The following TMPRSS12 variants were observed in gnomAD, a reference collection of about 807,000 sequenced individuals.
TMPRSS12 encodes the protein transmembrane protease serine 12.
Under a neutral mutation model 26.0 loss-of-function variants are expected in TMPRSS12, and 25 were observed. That is an observed-to-expected ratio of 0.96 (90% CI 0.70 to 1.34). The LOEUF (loss-of-function observed/expected upper bound fraction) is 1.34, where lower values mean the gene tolerates loss of function less well. Among genes scored for constraint, TMPRSS12 ranks in the 40% most tolerant of loss-of-function variants. The pLI, the probability that TMPRSS12 is intolerant of heterozygous loss-of-function variation, is 0.00. For synonymous variants in TMPRSS12, 150 were observed against 161.7 expected (o/e 0.93, Z 0.55); for missense variants, 441 against 440.1 (o/e 1.00, Z -0.02).
At chr12:50,887,029 T>A (rs776581764) in intron 4 of TMPRSS12, 9 of 452,992 alleles carry the variant, frequency 2.0e-5, no homozygotes, top group African/African-American at 6.1e-5. Context: ...ACCAGGCAGA[T>A]GAGAAATTTA....
rs760932131 is a variant in TMPRSS12, at chr12:50,843,947, A to G, written c.293A>G (p.Lys98Arg). Residue 98 changes from lysine (K) to arginine (R), a missense_variant, in exon 2 of 5, where the codon AAA (lysine) becomes AGA (arginine). Coordinates refer to ENST00000398458, the MANE Select transcript of TMPRSS12 (RefSeq NM_182559.3). The part of the protein sequence containing the change: ...AWPWVVSLQI[K>R]YGRVLVHVCG... ...CCGTGGGTGGTGAGCCTGCAGATTA[A>G]ATATGGCCGTGTTCTTGTTCATGTA... 23 of 1,602,364 alleles carry G rather than the reference A, an allele frequency of 1.4e-5. No individual in the cohort carries two copies. Among genetic ancestry groups the G allele is most frequent in the Non-Finnish European group, 2.0e-5 (23 of 1,174,542 alleles).
At chr12:50,885,547 T>G (rs560200831) in intron 4 of TMPRSS12, 159 bp downstream of exon 4, 7 of 893,540 alleles carry the variant, frequency 7.8e-6, no homozygotes, top group Non-Finnish European at 1.2e-5. Context: ...CAAATCTTCT[T>G]GGTTCCTGAT....
At chr12:50,867,337 C>A (rs1267636402) in intron 3 of TMPRSS12, among the ~76,000 whole-genome samples, 1 of 152,144 alleles carries the variant, frequency 6.6e-6, no homozygotes, top group Non-Finnish European at 1.5e-5. Context: ...GCAAAATGCT[C>A]TGGAAAGTCT....
Position 50,887,496 on chromosome 12 carries a change from T to A in TMPRSS12, c.1030T>A (p.Leu344Ile), listed in dbSNP as rs1938239603. Residue 344 changes from leucine (L) to isoleucine (I), a missense_variant, in exon 5 of 5, where the codon TTA (leucine) becomes ATA (isoleucine). Transcript: ENST00000398458. ...CCTCATAGCTTTATGTTTTGTCATC[T>A]TACTAGCAACAACATAAAGAAATTC... is the stretch of plus-strand genomic sequence containing the variant. Reference protein sequence around the residue: ...QILIALCFVILLATT With the variant: ...QILIALCFVIILATT 1.9e-6 allele frequency: 3 copies of A among 1,612,568 alleles called. No homozygotes were observed. The highest frequency in any genetic ancestry group is 1.3e-5 in the African/African-American group (1 of 74,868).
intron 3 of TMPRSS12, among the ~76,000 whole-genome samples, chr12:50,871,716 T>A (rs564542004): frequency 6.6e-6 from 1 of 152,186 alleles, no homozygotes; most frequent in East Asian, 1.9e-4. Flanking sequence ...ATATCCAGAA[T>A]CTGCAACAAA....
chr12:50,866,449 C>T (rs868643326), intron 3 of TMPRSS12, among the ~76,000 whole-genome samples: 1 of 152,094 alleles, frequency 6.6e-6, no homozygotes, highest in Non-Finnish European at 1.5e-5. Flanking sequence ...GCACCTCACC[C>T]CCATCCCTCA....
chr12:50,881,122 C>T (rs1009968367), intron 3 of TMPRSS12, among the ~76,000 whole-genome samples: 2 of 151,754 alleles, frequency 1.3e-5, no homozygotes, highest in African/African-American at 4.8e-5. Flanking sequence ...GCTGGGATTA[C>T]AGGCATGTAC....
At chr12:50,867,059 C>T (rs904974024) in intron 3 of TMPRSS12, among the ~76,000 whole-genome samples, 16 of 152,106 alleles carry the variant, frequency 1.1e-4, no homozygotes, top group East Asian at 1.9e-4. Flanking sequence ...TCTGGTAATA[C>T]GACAAAACAA....
At chr12:50,880,835 T>C (rs1429097582) in intron 3 of TMPRSS12, among the ~76,000 whole-genome samples, 2 of 151,880 alleles carry the variant, frequency 1.3e-5, no homozygotes, top group Non-Finnish European at 2.9e-5. Context: ...TCCTGCAATA[T>C]AGATGAACCT....
chr12:50,851,254 GA>G (rs1464848837), intron 2 of TMPRSS12, among the ~76,000 whole-genome samples: 2 of 152,202 alleles, frequency 1.3e-5, no homozygotes, highest in Non-Finnish European at 2.9e-5. Flanking sequence ...GGATGGCAAT[GA>G]AGATAAACAA....
At chr12:50,857,935 TCTC>T (rs1406905666) in intron 2 of TMPRSS12, among the ~76,000 whole-genome samples, 1 of 152,020 alleles carries the variant, frequency 6.6e-6, no homozygotes, top group African/African-American at 2.4e-5. Context: ...TTCATGCCAT[TCTC>T]CTGCCTCAGC....
chr12:50,878,978 G>A, intron 3 of TMPRSS12, among the ~76,000 whole-genome samples: 1 of 152,156 alleles, frequency 6.6e-6, no homozygotes, highest in Non-Finnish European at 1.5e-5. Flanking sequence ...GGATACAGCT[G>A]GAAGTCACAA....
Position 50,842,962 on chromosome 12 carries a change from A to G in TMPRSS12, c.-3A>G, listed in dbSNP as rs1449751786. On this transcript the variant is annotated 5_prime_UTR_variant, in exon 1 of 5. Transcript: ENST00000398458. ...GCCGCCATCTTGCTCACCAGCCTCC[A>G]AAATGCGGCTGGGGCTCCTGAGCGT... 3 of 1,581,434 alleles carry G rather than the reference A, an allele frequency of 1.9e-6. No homozygotes were observed. Among genetic ancestry groups the G allele is most frequent in the South Asian group, 2.3e-5 (2 of 86,700 alleles).
At chr12:50,867,917 CA>C (rs1033390261) in intron 3 of TMPRSS12, among the ~76,000 whole-genome samples, 41 of 152,268 alleles carry the variant, frequency 2.7e-4, no homozygotes, top group Non-Finnish European at 4.1e-4. Context: ...TTCAGACAAA[CA>C]AATGCTAAGA....
At chr12:50,854,050 C>T (rs1253577009) in intron 2 of TMPRSS12, among the ~76,000 whole-genome samples, 1 of 152,070 alleles carries the variant, frequency 6.6e-6, no homozygotes, top group Non-Finnish European at 1.5e-5. Context: ...CAATATTCCT[C>T]ATAAACACAG....
intron 2 of TMPRSS12, among the ~76,000 whole-genome samples, chr12:50,846,152 T>A (rs1195866123): frequency 2.6e-5 from 4 of 152,218 alleles, no homozygotes; most frequent in Non-Finnish European, 5.9e-5. Flanking sequence ...AAGTCAAATT[T>A]ATCTATTTTT....
At chr12:50,866,258 C>T (rs1259975689) in intron 3 of TMPRSS12, among the ~76,000 whole-genome samples, 1 of 152,156 alleles carries the variant, frequency 6.6e-6, no homozygotes, top group Admixed American at 6.5e-5. Flanking sequence ...GCCCTGCTTG[C>T]CCACTGTCTG....
rs540372273 is a variant in TMPRSS12 at position 50,885,480 on chromosome 12, T to C, written c.795+92T>C. 7.2e-5 allele frequency: 98 copies of C among 1,368,842 alleles called. No homozygotes were observed. The Middle Eastern group carries it at 2.0e-3, about 28-fold the overall frequency. 84.8% of individuals were successfully genotyped at this position (1,368,842 alleles called of 1,614,324 possible). On this transcript the variant is annotated intron_variant, in intron 4 of 4. Coordinates refer to ENST00000398458, the MANE Select transcript of TMPRSS12 (RefSeq NM_182559.3). The stretch of plus-strand genomic sequence containing the variant: ...TTTGATAACTTTCTGGTGGTCTTAA[T>C]TATCAGGCCTAAAAATAATAAATCA...
intron 2 of TMPRSS12, among the ~76,000 whole-genome samples, chr12:50,846,307 C>G (rs1448615362): frequency 2.0e-5 from 3 of 151,978 alleles, no homozygotes; most frequent in African/African-American, 7.2e-5. Context: ...ATTTTGAGTC[C>G]ATTTTTGCAT....
Sources: gnomAD v4.1 joint callset for allele counts (sites outside exome capture counted in the v4.1 genomes callset) on GRCh38, gnomAD v4.1.1 for gene constraint, MANE v1.5 for transcripts, NCBI Gene and HGNC (gene_info 2026-07-23, HGNC 2026-07-21) for gene names.